SIAH3: variants seen among roughly 807,000 people sequenced by gnomAD.
SIAH3 encodes seven in absentia homolog 3.
Under a neutral mutation model 12.6 loss-of-function variants are expected in SIAH3, and 9 were observed. The observed-to-expected ratio is 0.72, with a 90% confidence interval of 0.43 to 1.25. The LOEUF is 1.25. SIAH3 is among the 50% of genes most tolerant of loss of function. The pLI is 0.00. For missense variants in SIAH3, 390 were observed against 365.4 expected, an observed-to-expected ratio of 1.07 and a Z score of -0.55; for synonymous variants, 154 against 151.1, an observed-to-expected ratio of 1.02 and a Z score of -0.14.
chr13:45,799,884 G>C (rs1343626127), intron 1 of SIAH3, among the ~76,000 whole-genome samples: 1 of 152,212 alleles, frequency 6.6e-6, no homozygotes, highest in African/African-American at 2.4e-5. Flanking sequence ...TAATTAGGAA[G>C]ATAAATCTTC....
intron 1 of SIAH3, among the ~76,000 whole-genome samples, chr13:45,795,364 A>T (rs917972068): frequency 6.6e-6 from 1 of 152,194 alleles, no homozygotes; most frequent in Non-Finnish European, 1.5e-5. Context: ...ACCATGTGTG[A>T]TGCCTCCAGT....
chr13:45,840,470 T>TA (rs35300791), intron 1 of SIAH3, among the ~76,000 whole-genome samples: 41,109 of 152,136 alleles, frequency 0.27, 7,046 homozygotes, highest in Non-Finnish European at 0.36. Context: ...GTTAGGTAGT[T>TA]AAAAAATATA....
At chr13:45,797,210 TA>T (rs1375393112) in intron 1 of SIAH3, among the ~76,000 whole-genome samples, 1 of 152,026 alleles carries the variant, frequency 6.6e-6, no homozygotes, top group African/African-American at 2.4e-5. Flanking sequence ...ATTTTGTTCA[TA>T]TTTCCCCCAT....
At chr13:45,850,764 C>A (rs1950777727) in intron 1 of SIAH3, among the ~76,000 whole-genome samples, 1 of 152,148 alleles carries the variant, frequency 6.6e-6, no homozygotes, top group Non-Finnish European at 1.5e-5. Flanking sequence ...TAGGCAGCCG[C>A]GAGCAACCCA....
At chr13:45,792,407 G>T (rs1386007583) in intron 1 of SIAH3, among the ~76,000 whole-genome samples, 1 of 150,506 alleles carries the variant, frequency 6.6e-6, no homozygotes, top group African/African-American at 2.4e-5. Flanking sequence ...CCCCAGGCTG[G>T]AGTGCAATGG....
At chr13:45,839,477 A>G (rs185193618) in intron 1 of SIAH3, among the ~76,000 whole-genome samples, 2 of 152,344 alleles carry the variant, frequency 1.3e-5, no homozygotes, top group Admixed American at 1.3e-4. Flanking sequence ...CTTCAGGATA[A>G]TTTTGAATTG....
chr13:45,822,379 G>A (rs989649638), intron 1 of SIAH3, among the ~76,000 whole-genome samples: 3 of 151,680 alleles, frequency 2.0e-5, no homozygotes, highest in Non-Finnish European at 4.4e-5. Context: ...TGGACCATTT[G>A]AAAACAGACT....
intron 1 of SIAH3, among the ~76,000 whole-genome samples, chr13:45,826,470 T>TGAGTGGGTGGGG: frequency 1.3e-5 from 1 of 76,316 alleles, no homozygotes; most frequent in African/African-American, 5.2e-5. Flanking sequence ...AATGGATGGA[T>TGAGTGGGTGGGG]GGATGGATGG....
chr13:45,783,433 C>T lies in SIAH3; in HGVS notation c.760G>A (p.Gly254Arg). 6.2e-7 allele frequency: 1 copy of T among 1,614,004 alleles called. No homozygotes were observed. The highest frequency in any genetic ancestry group is 1.7e-5 in the Admixed American group (1 of 60,022). Residue 254 changes from glycine to arginine, a missense_variant, in exon 2 of 2, where the codon GGG becomes AGG. Transcript: ENST00000400405. ...ACCTCTGTCGCGGTGATGGCAATCC[C>T]AATGGCAAGGCTGCCGTTGTCAGAG... is the stretch of plus-strand genomic sequence containing the variant. ...LFSDNGSLAI[G>R]IAITATEVLP...
intron 1 of SIAH3, among the ~76,000 whole-genome samples, chr13:45,788,605 C>T (rs1950535474): frequency 6.6e-6 from 1 of 152,154 alleles, no homozygotes; most frequent in Non-Finnish European, 1.5e-5. Flanking sequence ...AAAAAACATT[C>T]CTTAATTTGA....
chr13:45,824,019 C>T (rs7322852), intron 1 of SIAH3, among the ~76,000 whole-genome samples: 16,619 of 152,194 alleles, frequency 0.11, 1,311 homozygotes, highest in African/African-American at 0.21. Context: ...CTAGTAAACC[C>T]ATCACCCAAA....
intron 1 of SIAH3, among the ~76,000 whole-genome samples, chr13:45,824,535 G>A (rs1028544203): frequency 3.9e-5 from 6 of 152,180 alleles, no homozygotes. Flanking sequence ...TTAAGGCAGA[G>A]TATCTGGGGT....
chr13:45,848,332 T>C (rs1950767737), intron 1 of SIAH3, among the ~76,000 whole-genome samples: 2 of 152,164 alleles, frequency 1.3e-5, no homozygotes, highest in South Asian at 4.1e-4. Context: ...TTGTTTGCAC[T>C]CCACTGCCTG....
chr13:45,814,427 A>G (rs1030525996), intron 1 of SIAH3, among the ~76,000 whole-genome samples: 8 of 151,812 alleles, frequency 5.3e-5, no homozygotes, highest in African/African-American at 1.9e-4. Flanking sequence ...GATATTTAGC[A>G]GGAAAACCAG....
intron 1 of SIAH3, among the ~76,000 whole-genome samples, chr13:45,789,862 G>A (rs551828434): frequency 7.9e-5 from 12 of 152,234 alleles, no homozygotes; most frequent in East Asian, 1.9e-4. Flanking sequence ...TCAGATTCAC[G>A]TCAGATGCTG....
At chr13:45,792,953 T>C (rs1950550966) in intron 1 of SIAH3, among the ~76,000 whole-genome samples, 1 of 151,298 alleles carries the variant, frequency 6.6e-6, no homozygotes, top group Non-Finnish European at 1.5e-5. Context: ...TAGTTAGACT[T>C]TCATATCCGT....
Position 45,798,728 on chromosome 13 carries a change from C to T in SIAH3, c.136-14671G>A, listed in dbSNP as rs77017067. Among the ~76,000 whole-genome samples the T allele has an allele frequency of 4.6e-5, 7 of 152,286 alleles. No homozygotes were observed. In the East Asian group the frequency reaches 7.7e-4, roughly 17 times the overall value. ...AGAAGCTCTCCCCTGCAGTCACTTC[C>T]GGCAGATCCCTGAACCACTTCTGGT... On this transcript the variant is annotated intron_variant, in intron 1 of 1. Coordinates refer to ENST00000400405, the MANE Select transcript of SIAH3 (RefSeq NM_198849.3).
intron 1 of SIAH3, among the ~76,000 whole-genome samples, chr13:45,830,533 G>A (rs1432097011): frequency 6.6e-6 from 1 of 152,210 alleles, no homozygotes; most frequent in Admixed American, 6.5e-5. Context: ...GCCTAAGGGT[G>A]GTTTTACAAC....
At chr13:45,806,492 C>T (rs1950598873) in intron 1 of SIAH3, among the ~76,000 whole-genome samples, 1 of 152,198 alleles carries the variant, frequency 6.6e-6, no homozygotes, top group African/African-American at 2.4e-5. Flanking sequence ...CACATGTTCT[C>T]ACTTACAACA....
Sources: gnomAD v4.1 joint callset for allele counts (sites outside exome capture counted in the v4.1 genomes callset) on GRCh38, gnomAD v4.1.1 for gene constraint, MANE v1.5 for transcripts, NCBI Gene and HGNC (gene_info 2026-07-23, HGNC 2026-07-21) for gene names.